Variants in PCDHGA7 observed in about 807,000 individuals in gnomAD.
PCDHGA7 encodes protocadherin gamma subfamily A, 7, also known as protocadherin gamma-A7.
Under a neutral mutation model 58.3 loss-of-function variants are expected in PCDHGA7, and 44 were observed. The observed-to-expected ratio is 0.75, with a 90% CI of 0.59 to 0.97. The LOEUF is 0.97. Among genes scored for constraint, PCDHGA7 ranks in the 50% least tolerant of loss-of-function variants. PCDHGA7 has a pLI of 0.00. For synonymous variants in PCDHGA7, 516 were observed against 504.2 expected, an observed-to-expected ratio of 1.02 and a Z score of -0.31; for missense variants, 1,266 against 1,188.7, an observed-to-expected ratio of 1.06 and a Z score of -0.96.
intron 1 of PCDHGA7, chr5:141,398,616 C>T (rs922729367): frequency 6.2e-7 from 1 of 1,614,020 alleles, no homozygotes; most frequent in Non-Finnish European, 8.5e-7. Flanking sequence ...CAGATATTGG[C>T]TTAAACTCTC....
Position 141,384,726 on chromosome 5 carries a change from T to C in PCDHGA7, c.1827T>C (p.Leu609=), listed in dbSNP as rs1561604051. 3 of 1,613,886 alleles carry C rather than the reference T, an allele frequency of 1.9e-6. No homozygotes were observed. The change falls in exon 1 of 4, where the codon CTT becomes CTC. Residue 609 remains leucine (L), a synonymous_variant. Coordinates refer to ENST00000518325, the MANE Select transcript of PCDHGA7 (RefSeq NM_018920.4). ...GQNAWLSYLL[L]KASEPGLFAV... is the part of the protein sequence containing the mutation. Reference sequence around the variant, plus strand: ...ACGCCTGGCTGTCATACCTCCTGCTTAAGGCCAGCGAGCCAGGACTCTTTG... The same window carrying C: ...ACGCCTGGCTGTCATACCTCCTGCTCAAGGCCAGCGAGCCAGGACTCTTTG...
At chr5:141,409,172 G>A in intron 1 of PCDHGA7, 8 of 1,614,006 alleles carry the variant, frequency 5.0e-6, no homozygotes, top group Non-Finnish European at 6.8e-6. Context: ...AGCGAAGGAC[G>A]GAGGTGGTCT....
chr5:141,469,974 T>C (rs1456176152), intron 1 of PCDHGA7, among the ~76,000 whole-genome samples: 1 of 151,864 alleles, frequency 6.6e-6, no homozygotes, highest in African/African-American at 2.4e-5. Context: ...GTACCAAAAA[T>C]ACAAAAATTA....
At position 141,431,896 on chromosome 5, in the gene PCDHGA7, C is replaced by A. The variant is rs1292629023; in HGVS notation, c.2424+46573C>A. The A allele has an allele frequency of 6.2e-7, 1 of 1,613,940 alleles. No homozygotes were observed. The highest frequency in any genetic ancestry group is 1.3e-5 in the African/African-American group (1 of 74,924). On this transcript the variant is annotated intron_variant, in intron 1 of 3. Coordinates refer to ENST00000518325, the MANE Select transcript of PCDHGA7 (RefSeq NM_018920.4). This position sits in a 1 kb window ranked among gnomAD's most constrained non-coding sequence, Gnocchi z 4.8. Reference sequence around the variant, plus strand: ...TAAATGACCAAGATTCTGAGGAAAACGGACAGGTGATCTGTTTCATCCAAG... The same window carrying A: ...TAAATGACCAAGATTCTGAGGAAAAAGGACAGGTGATCTGTTTCATCCAAG...
At position 141,431,641 on chromosome 5, in the gene PCDHGA7, A is replaced by G. The variant is rs772686680; in HGVS notation, c.2424+46318A>G. ...ACAAGGCGGCCCAAGTTTTCAAACT[A>G]GATTGTAATTCAGGGACAATATCAA... is the stretch of plus-strand genomic sequence containing the variant. On this transcript the variant is annotated intron_variant, in intron 1 of 3. Coordinates refer to ENST00000518325, the MANE Select transcript of PCDHGA7 (RefSeq NM_018920.4). This position sits in a 1 kb window ranked among gnomAD's most constrained non-coding sequence, Gnocchi z 4.8. The G allele has an allele frequency of 6.2e-7, 1 of 1,614,270 alleles. No individual in the cohort carries two copies. Among genetic ancestry groups the G allele is most frequent in the South Asian group, 1.1e-5 (1 of 91,092 alleles).
At chr5:141,416,132 A>C in intron 1 of PCDHGA7, 1 of 154,082 alleles carries the variant, frequency 6.5e-6, no homozygotes, top group Non-Finnish European at 1.4e-5. Context: ...ATATTTTTCA[A>C]TCTATACTTT....
At chr5:141,473,401 T>G (rs1285517100) in intron 1 of PCDHGA7, among the ~76,000 whole-genome samples, 3 of 152,222 alleles carry the variant, frequency 2.0e-5, no homozygotes. Context: ...GCTTCTTTTT[T>G]TCTTCTTCAG....
At chr5:141,418,124 C>G (rs762154093) in intron 1 of PCDHGA7, 1 of 1,613,836 alleles carries the variant, frequency 6.2e-7, no homozygotes, top group African/African-American at 1.3e-5. Context: ...TGTGAAGGAC[C>G]GAATAGACCG....
At chr5:141,457,929 C>T (rs1207409757) in intron 1 of PCDHGA7, among the ~76,000 whole-genome samples, 2 of 152,194 alleles carry the variant, frequency 1.3e-5, no homozygotes, top group Non-Finnish European at 2.9e-5. Context: ...CCCCAAGGGG[C>T]TTTTATTGGC....
At chr5:141,420,164 A>G (rs2096471602) in intron 1 of PCDHGA7, 1 of 1,614,040 alleles carries the variant, frequency 6.2e-7, no homozygotes, top group Non-Finnish European at 8.5e-7. Context: ...TAATTTTTTC[A>G]CATCTGTTGA....
At chr5:141,452,377 A>G (rs2098740152) in intron 1 of PCDHGA7, among the ~76,000 whole-genome samples, 1 of 152,222 alleles carries the variant, frequency 6.6e-6, no homozygotes, top group African/African-American at 2.4e-5. Flanking sequence ...TTAGTAGGGA[A>G]TAGTATTTAG....
At chr5:141,510,322 A>G (rs62379243) in intron 3 of PCDHGA7, among the ~76,000 whole-genome samples, 36,300 of 150,290 alleles carry the variant, frequency 0.24, 4,456 homozygotes, top group Admixed American at 0.32. Flanking sequence ...TTGGAAGAGC[A>G]CTCTTCACCC....
chr5:141,476,483 G>A lies in PCDHGA7; in HGVS notation c.2425-18324G>A. On this transcript the variant is annotated intron_variant, in intron 1 of 3. Coordinates refer to ENST00000518325, the MANE Select transcript of PCDHGA7 (RefSeq NM_018920.4). The surrounding 1 kb of genome is among the most constrained non-coding windows in gnomAD (Gnocchi z 7.6). The stretch of plus-strand genomic sequence containing the variant: ...CCCGCTGGAGCTGTTCAGCGTGGAA[G>A]TGGTGATCCAGGACATCAACGACAA... The A allele has an allele frequency of 3.1e-6, 5 of 1,614,166 alleles. No individual in the cohort carries two copies. Among genetic ancestry groups the A allele is most frequent in the Non-Finnish European group, 4.2e-6 (5 of 1,180,034 alleles).
intron 1 of PCDHGA7, chr5:141,410,343 G>C: frequency 6.2e-7 from 1 of 1,613,964 alleles, no homozygotes; most frequent in Non-Finnish European, 8.5e-7. Flanking sequence ...ATTGCCTTGC[G>C]CCTGCGACGC....
At position 141,438,591 on chromosome 5, in the gene PCDHGA7, CATATATATATATAT is replaced by C. The variant is rs946798767; in HGVS notation, c.2424+53300_2424+53313del. Among the ~76,000 whole-genome samples the C allele has an allele frequency of 7.9e-5, 6 of 75,562 alleles. No individual in the cohort carries two copies. The East Asian group carries it at 1.7e-3, about 22-fold the overall frequency. 49.6% of individuals were successfully genotyped at this position (75,562 alleles called of 152,430 possible). On this transcript the variant is annotated intron_variant, in intron 1 of 3. Transcript: ENST00000518325. ...TCTGATATACATACATACATACATA[CATATATATATATAT>C]ATATATATATATATATATATATATA...
At chr5:141,475,046 T>C (rs1430484084) in intron 1 of PCDHGA7, among the ~76,000 whole-genome samples, 1 of 152,274 alleles carries the variant, frequency 6.6e-6, no homozygotes, top group African/African-American at 2.4e-5. Context: ...CTTTGTATTT[T>C]CTAAAGATTT....
At chr5:141,426,919 C>T (rs1220443930) in intron 1 of PCDHGA7, 1 of 456,620 alleles carries the variant, frequency 2.2e-6, no homozygotes, top group African/African-American at 2.0e-5. Flanking sequence ...GTCCTGGAAG[C>T]AATGGACATG....
intron 1 of PCDHGA7, chr5:141,423,720 A>T: frequency 3.1e-6 from 3 of 957,770 alleles, no homozygotes; most frequent in Admixed American, 5.5e-5. Context: ...TTTTAAGGAG[A>T]TGTTTTTTGA....
chr5:141,418,586 A>C lies in PCDHGA7; in HGVS notation c.2424+33263A>C, dbSNP rs1422171892. ...TGCCAATGACAACCCCCCAGTGTTC[A>C]GCCAGGACGTGTACAGGGTTAGCCT... On this transcript the variant is annotated intron_variant, in intron 1 of 3. Transcript: ENST00000518325. The C allele has an allele frequency of 1.9e-6, 3 of 1,613,930 alleles. No individual in the cohort carries two copies. In the Admixed American group the frequency reaches 5.0e-5, roughly 27 times the overall value.
Sources: allele counts gnomAD v4.1 joint callset (sites outside exome capture counted in the v4.1 genomes callset), GRCh38; gene constraint gnomAD v4.1.1; non-coding constraint Gnocchi (gnomAD v3.1); transcripts MANE v1.5; gene names NCBI Gene and HGNC (gene_info 2026-07-23, HGNC 2026-07-21).